The following ADGRG6 variants were observed in gnomAD, a reference collection of about 807,000 sequenced individuals.
The protein encoded by ADGRG6 is G-protein coupled receptor 126.
A neutral mutation model predicts 142.4 loss-of-function variants in ADGRG6; 84 were observed. That is an observed-to-expected ratio of 0.59 (90% CI 0.49 to 0.71). ADGRG6 has a LOEUF of 0.71. Among genes scored for constraint, ADGRG6 ranks in the 30% least tolerant of loss-of-function variants. ADGRG6 has a pLI of 0.00. For synonymous variants in ADGRG6, 521 were observed against 520.5 expected (o/e 1.00, Z -0.01); for missense variants, 1,367 against 1,466.6 (o/e 0.93, Z 1.11).
chr6:142,362,893 C>A (rs560508893), intron 2 of ADGRG6, among the ~76,000 whole-genome samples: 7 of 151,910 alleles, frequency 4.6e-5, no homozygotes, highest in Admixed American at 3.9e-4. Context: ...TAGAAGCCAC[C>A]AAGACTACTA....
At chr6:142,308,389 T>C (rs1028348420) in intron 1 of ADGRG6, among the ~76,000 whole-genome samples, 1 of 152,002 alleles carries the variant, frequency 6.6e-6, no homozygotes, top group Non-Finnish European at 1.5e-5. Context: ...AGATGGTCTC[T>C]TAAAGTTTAA....
chr6:142,318,033 A>AATATATATTTATGTT (rs1778235293), intron 2 of ADGRG6, among the ~76,000 whole-genome samples: 2 of 36,884 alleles, frequency 5.4e-5, no homozygotes, highest in Non-Finnish European at 8.7e-5. Flanking sequence ...TATTATATAT[A>AATATATATTTATGTT]ATATATATTT....
At chr6:142,409,829 G>A (rs1775993066) in intron 16 of ADGRG6, 45 bp from the exon 17 acceptor site, 1 of 837,776 alleles carries the variant, frequency 1.2e-6, no homozygotes, top group Non-Finnish European at 1.9e-6. Context: ...TTAAATCATG[G>A]CATTTTAAAC....
chr6:142,355,904 G>A lies in ADGRG6; in HGVS notation c.104-11665G>A, dbSNP rs576148998. On this transcript the variant is annotated intron_variant, in intron 2 of 24. Coordinates refer to ENST00000367609, the MANE Select transcript of ADGRG6 (RefSeq NM_198569.3). ...ATAATTATAAAGTTTGGTGAACTTC[G>A]TGAACTTTTTCAAGCATGTTTTTGC... is the stretch of plus-strand genomic sequence containing the variant. Among the ~76,000 whole-genome samples, 12 of 152,272 alleles carry A rather than the reference G, an allele frequency of 7.9e-5. No individual in the cohort carries two copies. The South Asian group carries it at 1.7e-3, about 21-fold the overall frequency.
intron 11 of ADGRG6, 58 bp from the exon 12 acceptor site, chr6:142,401,936 G>A: frequency 2.6e-6 from 2 of 766,932 alleles, no homozygotes; most frequent in Non-Finnish European, 2.2e-6. Flanking sequence ...ATCCCTTTAA[G>A]CAGTACAAAA....
chr6:142,410,055 A>G, intron 17 of ADGRG6, 136 bp downstream of exon 17: 1 of 427,246 alleles, frequency 2.3e-6, no homozygotes. Flanking sequence ...AATGAGCTGC[A>G]AAGTTAGTTT....
intron 21 of ADGRG6, among the ~76,000 whole-genome samples, chr6:142,418,930 T>A (rs1032685630): frequency 6.6e-6 from 1 of 152,194 alleles, no homozygotes; most frequent in East Asian, 1.9e-4. Flanking sequence ...AGTACAGTTT[T>A]AAAATTTCTT....
intron 22 of ADGRG6, among the ~76,000 whole-genome samples, chr6:142,428,263 G>A (rs1582679396): frequency 6.7e-6 from 1 of 150,294 alleles, no homozygotes; most frequent in South Asian, 2.1e-4. Context: ...TTTATTTCTA[G>A]CATGTATTTT....
intron 6 of ADGRG6, among the ~76,000 whole-genome samples, chr6:142,385,681 G>A (rs542280340): frequency 3.4e-4 from 52 of 152,122 alleles, no homozygotes; most frequent in Non-Finnish European, 4.3e-4. Flanking sequence ...ACATCTTAGC[G>A]CCTGAAGCCT....
At chr6:142,366,531 T>C (rs904555036) in intron 2 of ADGRG6, among the ~76,000 whole-genome samples, 1 of 152,192 alleles carries the variant, frequency 6.6e-6, no homozygotes, top group South Asian at 2.1e-4. Flanking sequence ...TGCTTTACTT[T>C]TCTTCCCCAC....
At chr6:142,362,283 G>A (rs1304135421) in intron 2 of ADGRG6, among the ~76,000 whole-genome samples, 7 of 152,148 alleles carry the variant, frequency 4.6e-5, no homozygotes, top group African/African-American at 1.2e-4. Flanking sequence ...TGCTTAAGTC[G>A]TTGAAGTAGC....
intron 1 of ADGRG6, among the ~76,000 whole-genome samples, chr6:142,303,372 T>C (rs1458438469): frequency 6.6e-6 from 1 of 152,174 alleles, no homozygotes; most frequent in East Asian, 1.9e-4. Flanking sequence ...TTCCATTCCC[T>C]ACTTCCCCAC....
At chr6:142,327,680 T>A (rs1159014916) in intron 2 of ADGRG6, among the ~76,000 whole-genome samples, 1 of 152,152 alleles carries the variant, frequency 6.6e-6, no homozygotes, top group Non-Finnish European at 1.5e-5. Flanking sequence ...GCTATTTCTA[T>A]AAAGGGTAAG....
chr6:142,413,258 G>A (rs185013404), intron 18 of ADGRG6, among the ~76,000 whole-genome samples: 20 of 151,786 alleles, frequency 1.3e-4, no homozygotes, highest in Non-Finnish European at 2.5e-4. Context: ...CCCAGAGTCT[G>A]CATTGTCCCA....
chr6:142,362,362 T>C (rs1780766025), intron 2 of ADGRG6, among the ~76,000 whole-genome samples: 1 of 152,226 alleles, frequency 6.6e-6, no homozygotes. Context: ...GAAACAATTA[T>C]CCGGTTTACT....
intron 2 of ADGRG6, among the ~76,000 whole-genome samples, chr6:142,318,487 G>C (rs1778351623): frequency 7.2e-6 from 1 of 139,860 alleles, no homozygotes; most frequent in South Asian, 2.1e-4. Flanking sequence ...CTAAATCATT[G>C]CCTTTAATGT....
intron 6 of ADGRG6, among the ~76,000 whole-genome samples, chr6:142,388,444 T>C (rs1562358418): frequency 6.6e-6 from 1 of 152,094 alleles, no homozygotes; most frequent in African/African-American, 2.4e-5. Flanking sequence ...CTGCTAGCAT[T>C]GATAATACAG....
chr6:142,404,849 G>A (rs1465214666), intron 14 of ADGRG6, among the ~76,000 whole-genome samples: 1 of 152,154 alleles, frequency 6.6e-6, no homozygotes. Context: ...GCAGGTGACA[G>A]TACGGCTGGA....
At chr6:142,345,650 A>G (rs926299530) in intron 2 of ADGRG6, among the ~76,000 whole-genome samples, 1 of 152,128 alleles carries the variant, frequency 6.6e-6, no homozygotes, top group Admixed American at 6.6e-5. Flanking sequence ...AGATGTTTTT[A>G]TGATTCATGT....
Sources: allele counts gnomAD v4.1 joint callset (sites outside exome capture counted in the v4.1 genomes callset), GRCh38; gene constraint gnomAD v4.1.1; transcripts MANE v1.5; gene names NCBI Gene and HGNC (gene_info 2026-07-23, HGNC 2026-07-21).